The following MACROD2 variants were observed in gnomAD, a reference collection of about 807,000 sequenced individuals.
MACROD2 encodes the protein mono-ADP ribosylhydrolase 2.
A neutral mutation model predicts 70.4 loss-of-function variants in MACROD2; 36 were observed. The ratio of observed to expected loss-of-function variants is 0.51; its 90% CI spans 0.39 to 0.68. MACROD2 has a LOEUF of 0.68. Among genes scored for constraint, MACROD2 ranks in the 30% least tolerant of loss-of-function variants. The pLI is 0.00. For synonymous variants in MACROD2, 172 were observed against 178.8 expected (o/e 0.96, Z 0.30); for missense variants, 496 against 538.4 (o/e 0.92, Z 0.78).
intron 5 of MACROD2, among the ~76,000 whole-genome samples, chr20:15,062,079 G>T (rs1434923447): frequency 2.0e-5 from 3 of 152,150 alleles, no homozygotes; most frequent in Non-Finnish European, 4.4e-5. Flanking sequence ...GTGGTCACTT[G>T]CTAACATACC....
At chr20:14,133,102 A>G (rs1398913387) in intron 3 of MACROD2, among the ~76,000 whole-genome samples, 1 of 152,132 alleles carries the variant, frequency 6.6e-6, no homozygotes, top group Non-Finnish European at 1.5e-5. Context: ...GAGGGTTGTT[A>G]GCCTTTTTGT....
chr20:15,879,229 T>A (rs1279040974), intron 9 of MACROD2, among the ~76,000 whole-genome samples: 1 of 152,156 alleles, frequency 6.6e-6, no homozygotes, highest in Non-Finnish European at 1.5e-5. Flanking sequence ...CTTGGAGAAC[T>A]GTTTAAAAGG....
intron 8 of MACROD2, among the ~76,000 whole-genome samples, chr20:15,842,289 C>A (rs559661631): frequency 6.9e-4 from 105 of 152,100 alleles, no homozygotes; most frequent in Middle Eastern, 3.4e-3. Flanking sequence ...ACTGATGGAG[C>A]TGTTGGGAAA....
chr20:15,102,331 T>G (rs56372404), intron 5 of MACROD2, among the ~76,000 whole-genome samples: 5,448 of 152,184 alleles, frequency 0.036, 108 homozygotes, highest in Middle Eastern at 0.12. Context: ...GGGACTCTCA[T>G]GTCCCTGGAG....
chr20:15,903,103 C>T (rs182696154), intron 10 of MACROD2, among the ~76,000 whole-genome samples: 2 of 152,174 alleles, frequency 1.3e-5, no homozygotes, highest in East Asian at 1.9e-4. Context: ...GGGCCGGGTG[C>T]GGTGTCTCAC....
At chr20:15,196,996 A>C in intron 5 of MACROD2, 3 of 985,340 alleles carry the variant, frequency 3.0e-6, no homozygotes, top group Non-Finnish European at 3.6e-6. Context: ...TTGGAAACTC[A>C]ACACTCAGGA....
intron 3 of MACROD2, among the ~76,000 whole-genome samples, chr20:14,242,361 C>T (rs758047068): frequency 5.9e-5 from 9 of 152,090 alleles, no homozygotes; most frequent in Non-Finnish European, 1.3e-4. Context: ...ATTTCCTGCA[C>T]ACACAGTATT....
Position 14,548,564 on chromosome 20 carries a change from A to C in MACROD2, c.301+55056A>C, listed in dbSNP as rs545461482. ...AAACCCCGTCTCTACTAAAAATACA[A>C]AAAATTAGCCGGGCGTAGTGGCGGG... On this transcript the variant is annotated intron_variant, in intron 4 of 17. Transcript: ENST00000684519. 1.6e-3 allele frequency among the ~76,000 whole-genome samples: 87 copies of C among 53,620 alleles called. 25 individuals carry two copies. Among genetic ancestry groups the C allele is most frequent in the African/African-American group, 4.1e-3 (78 of 19,236 alleles). The allele number at this position is 53,620 out of a possible 152,430, so 35.2% of individuals were successfully genotyped here.
At chr20:14,405,111 A>G (rs2083678512) in intron 3 of MACROD2, among the ~76,000 whole-genome samples, 1 of 152,188 alleles carries the variant, frequency 6.6e-6, no homozygotes, top group South Asian at 2.1e-4. Context: ...AAATATAGAA[A>G]AGCAAAAATT....
At chr20:14,191,725 AGAGGGAAC>A in intron 3 of MACROD2, among the ~76,000 whole-genome samples, 1 of 152,228 alleles carries the variant, frequency 6.6e-6, no homozygotes, top group Admixed American at 6.5e-5. Context: ...TATTCCAGGC[AGAGGGAAC>A]TGCAAGTACA....
chr20:15,664,053 A>G (rs2049862062), intron 8 of MACROD2, among the ~76,000 whole-genome samples: 1 of 152,222 alleles, frequency 6.6e-6, no homozygotes, highest in Non-Finnish European at 1.5e-5. Context: ...GTCTCTCTGT[A>G]TGATAAATCA....
chr20:14,338,168 G>A (rs973839527), intron 3 of MACROD2, among the ~76,000 whole-genome samples: 2 of 152,176 alleles, frequency 1.3e-5, no homozygotes, highest in Non-Finnish European at 2.9e-5. Flanking sequence ...TTGGGAGGCC[G>A]AGGTGGGAGG....
intron 10 of MACROD2, among the ~76,000 whole-genome samples, chr20:15,890,743 T>C (rs1052444163): frequency 1.2e-4 from 19 of 152,300 alleles, no homozygotes; most frequent in Admixed American, 9.8e-4. Flanking sequence ...TGTGGGGTTT[T>C]TTTTTGTTCT....
intron 4 of MACROD2, among the ~76,000 whole-genome samples, chr20:14,596,985 CAT>C (rs1432347767): frequency 6.6e-6 from 1 of 152,146 alleles, no homozygotes; most frequent in Non-Finnish European, 1.5e-5. Flanking sequence ...AAATTTTAAA[CAT>C]CACTACACTG....
chr20:15,396,293 C>A (rs1437238783), intron 6 of MACROD2, among the ~76,000 whole-genome samples: 1 of 152,180 alleles, frequency 6.6e-6, no homozygotes, highest in African/African-American at 2.4e-5. Flanking sequence ...TTACTTTGAG[C>A]TCCCTAGTAG....
At chr20:15,910,404 GT>G (rs2065219413) in intron 10 of MACROD2, among the ~76,000 whole-genome samples, 2 of 151,578 alleles carry the variant, frequency 1.3e-5, no homozygotes, top group Non-Finnish European at 2.9e-5. Flanking sequence ...ATGTGTGTGT[GT>G]GTGTGTGTGT....
chr20:14,522,412 G>C (rs2085178926), intron 4 of MACROD2, among the ~76,000 whole-genome samples: 1 of 152,148 alleles, frequency 6.6e-6, no homozygotes, highest in South Asian at 2.1e-4. Context: ...TTTCTAGATT[G>C]GTCAGTCACA....
At chr20:14,947,258 A>G (rs1600859571) in intron 5 of MACROD2, among the ~76,000 whole-genome samples, 1 of 152,272 alleles carries the variant, frequency 6.6e-6, no homozygotes, top group South Asian at 2.1e-4. Flanking sequence ...TTGCTCTATA[A>G]CAATGTTTCT....
chr20:14,232,377 A>G (rs562986038), intron 3 of MACROD2, among the ~76,000 whole-genome samples: 3 of 152,336 alleles, frequency 2.0e-5, no homozygotes, highest in African/African-American at 7.2e-5. Context: ...AAAATCCCAG[A>G]TAGTGTCATC....
Sources: gnomAD v4.1 joint callset for allele counts (sites outside exome capture counted in the v4.1 genomes callset) on GRCh38, gnomAD v4.1.1 for gene constraint, MANE v1.5 for transcripts, NCBI Gene and HGNC (gene_info 2026-07-23, HGNC 2026-07-21) for gene names.